NEGR1: variants seen among roughly 807,000 people sequenced by gnomAD.
The protein encoded by NEGR1 is IgLON family member 4.
Under a neutral mutation model 40.9 loss-of-function variants are expected in NEGR1, and 10 were observed. That is an observed-to-expected ratio of 0.24 (90% CI 0.15 to 0.42). The LOEUF (loss-of-function observed/expected upper bound fraction) is 0.42. Ranked by LOEUF, NEGR1 falls within the 10% of genes least tolerant of loss-of-function variation. The pLI is 1.00. For synonymous variants in NEGR1, 185 were observed against 166.8 expected (o/e 1.11, Z -0.84); for missense variants, 352 against 438.9 (o/e 0.80, Z 1.77).
At chr1:71,844,302 C>T (rs513086) in intron 2 of NEGR1, among the ~76,000 whole-genome samples, 131,351 of 152,136 alleles carry the variant, frequency 0.86, 56,846 homozygotes, top group East Asian at 0.92. Context: ...TTTGTAAACA[C>T]TTGTGTTTGA....
intron 1 of NEGR1, among the ~76,000 whole-genome samples, chr1:72,252,713 A>G (rs1451972808): frequency 6.6e-6 from 1 of 152,138 alleles, no homozygotes; most frequent in Non-Finnish European, 1.5e-5. Context: ...GATAGTTTCA[A>G]TGTAGTGTTT....
intron 3 of NEGR1, among the ~76,000 whole-genome samples, chr1:71,736,954 T>G (rs927723998): frequency 1.3e-5 from 2 of 152,186 alleles, no homozygotes; most frequent in Non-Finnish European, 2.9e-5. Context: ...ATGGGCTCTG[T>G]AAGAGGAGTC....
intron 2 of NEGR1, among the ~76,000 whole-genome samples, chr1:71,876,017 C>T (rs1660419377): frequency 6.6e-6 from 1 of 152,140 alleles, no homozygotes; most frequent in Admixed American, 6.6e-5. Flanking sequence ...CTCTCCTCCA[C>T]TCAGCTTCTG....
chr1:71,872,568 T>C (rs1462992428), intron 2 of NEGR1, among the ~76,000 whole-genome samples: 3 of 152,172 alleles, frequency 2.0e-5, no homozygotes, highest in Non-Finnish European at 4.4e-5. Context: ...CCTGCATCTC[T>C]CAGTGACCAT....
intron 5 of NEGR1, 92 bp downstream of exon 5, chr1:71,610,934 C>A: frequency 3.0e-6 from 4 of 1,319,324 alleles, no homozygotes; most frequent in Non-Finnish European, 4.3e-6. Flanking sequence ...ATCATTCAAG[C>A]CAGTTAAAGA....
chr1:71,469,139 G>T (rs1256400533), intron 6 of NEGR1, among the ~76,000 whole-genome samples: 1 of 151,956 alleles, frequency 6.6e-6, no homozygotes, highest in Admixed American at 6.6e-5. Context: ...CTCCATTTGG[G>T]TCAAACAGTA....
At chr1:71,625,781 C>CT (rs1484114493) in intron 4 of NEGR1, among the ~76,000 whole-genome samples, 2 of 151,858 alleles carry the variant, frequency 1.3e-5, no homozygotes, top group African/African-American at 4.8e-5. Flanking sequence ...TCGTGTGCCT[C>CT]TAACATGAAT....
At chr1:72,043,795 T>G (rs1646976704) in intron 1 of NEGR1, among the ~76,000 whole-genome samples, 1 of 151,846 alleles carries the variant, frequency 6.6e-6, no homozygotes, top group South Asian at 2.1e-4. Flanking sequence ...AACAGTACTG[T>G]GGAATTCACC....
intron 2 of NEGR1, among the ~76,000 whole-genome samples, chr1:71,793,676 T>A (rs954496255): frequency 1.3e-5 from 2 of 152,136 alleles, no homozygotes. Flanking sequence ...AACATTGGAT[T>A]CATCAAGTGA....
At chr1:72,128,116 T>C (rs755483152) in intron 1 of NEGR1, among the ~76,000 whole-genome samples, 1 of 152,184 alleles carries the variant, frequency 6.6e-6, no homozygotes, top group Non-Finnish European at 1.5e-5. Context: ...AAAAATCATA[T>C]TGCCTTTGAT....
At chr1:72,173,249 C>T (rs1421394354) in intron 1 of NEGR1, among the ~76,000 whole-genome samples, 1 of 150,334 alleles carries the variant, frequency 6.7e-6, no homozygotes, top group East Asian at 2.0e-4. Flanking sequence ...TTCAAGCAAT[C>T]TGCTAGCCTG....
chr1:71,532,924 G>T (rs1647398443), intron 6 of NEGR1, among the ~76,000 whole-genome samples: 1 of 151,508 alleles, frequency 6.6e-6, no homozygotes. Flanking sequence ...AAAGGGAAAA[G>T]GAAAGAAAAG....
intron 1 of NEGR1, among the ~76,000 whole-genome samples, chr1:72,241,350 T>C (rs1028464745): frequency 7.6e-6 from 1 of 132,394 alleles, no homozygotes; most frequent in African/African-American, 3.0e-5. Flanking sequence ...GGATACCTGA[T>C]ATTCCCTGTC....
chr1:71,625,498 T>C (rs534053454), intron 4 of NEGR1, among the ~76,000 whole-genome samples: 1 of 151,892 alleles, frequency 6.6e-6, no homozygotes, highest in East Asian at 1.9e-4. Context: ...ATGAGTTAAA[T>C]TATATGAGAG....
At chr1:71,867,265 T>G (rs1329593560) in intron 2 of NEGR1, among the ~76,000 whole-genome samples, 3 of 151,954 alleles carry the variant, frequency 2.0e-5, no homozygotes, top group African/African-American at 7.2e-5. Flanking sequence ...TCCCAGCTAC[T>G]CAGGAGGCTA....
chr1:71,704,578 A>G lies in NEGR1; in HGVS notation c.536-6439T>C, dbSNP rs114308249. Among the ~76,000 whole-genome samples the G allele has an allele frequency of 6.9e-3, 1,046 of 151,922 alleles. 10 individuals carry two copies. Among genetic ancestry groups the G allele is most frequent in the African/African-American group, 0.023 (973 of 41,548 alleles). On this transcript the variant is annotated intron_variant, in intron 3 of 6. Coordinates refer to ENST00000357731, the MANE Select transcript of NEGR1 (RefSeq NM_173808.3). ...CAAATTTTTTGAAAAATAGAAATTTATATATTAATTTAGAAAAAATAAATA... is the reference window on the plus strand; with the variant it reads ...CAAATTTTTTGAAAAATAGAAATTTGTATATTAATTTAGAAAAAATAAATA...
chr1:72,053,949 A>C (rs1647086691), intron 1 of NEGR1, among the ~76,000 whole-genome samples: 1 of 151,250 alleles, frequency 6.6e-6, no homozygotes, highest in African/African-American at 2.4e-5. Context: ...CCAAATATTC[A>C]GAATGAAGCC....
At chr1:71,883,739 C>T (rs1033342257) in intron 2 of NEGR1, among the ~76,000 whole-genome samples, 10 of 120,712 alleles carry the variant, frequency 8.3e-5, no homozygotes, top group Non-Finnish European at 1.2e-4. Flanking sequence ...CCCCACCCCA[C>T]GACAGGCCCT....
chr1:71,499,146 G>T (rs1039841222), intron 6 of NEGR1, among the ~76,000 whole-genome samples: 2 of 152,092 alleles, frequency 1.3e-5, no homozygotes, highest in Admixed American at 6.6e-5. Context: ...AAAATGAACT[G>T]TCATTAGGTG....
Sources: gnomAD v4.1 joint callset for allele counts (sites outside exome capture counted in the v4.1 genomes callset) on GRCh38, gnomAD v4.1.1 for gene constraint, MANE v1.5 for transcripts, NCBI Gene and HGNC (gene_info 2026-07-23, HGNC 2026-07-21) for gene names.